ZNF331: variants seen among roughly 807,000 people sequenced by gnomAD.
ZNF331 encodes C2H2-like zinc finger protein rearranged in thyroid adenomas.
Under a neutral mutation model 7.0 loss-of-function variants are expected in ZNF331, and 2 were observed. The ratio of observed to expected loss-of-function variants is 0.29; its 90% confidence interval spans 0.12 to 0.90. The LOEUF (loss-of-function observed/expected upper bound fraction) is 0.90. Among genes scored for constraint, ZNF331 ranks in the 40% least tolerant of loss-of-function variants. The probability of loss-of-function intolerance (pLI) is 0.58; values close to 1 mark genes in which losing one functional copy is unlikely to be tolerated. For missense variants in ZNF331, 432 were observed against 587.7 expected, an observed-to-expected ratio of 0.74 and a Z score of 2.74; for synonymous variants, 196 against 205.4, an observed-to-expected ratio of 0.95 and a Z score of 0.39.
intron 2 of ZNF331, among the ~76,000 whole-genome samples, chr19:53,547,016 T>C (rs530720486): frequency 6.6e-6 from 1 of 152,310 alleles, no homozygotes; most frequent in East Asian, 1.9e-4. Flanking sequence ...TCTGTGTTTA[T>C]ACTGCAGATT....
chr19:53,559,381 T>C (rs549586910), intron 3 of ZNF331, among the ~76,000 whole-genome samples: 1 of 150,434 alleles, frequency 6.6e-6, no homozygotes, highest in East Asian at 2.0e-4. Flanking sequence ...ACACCCCATA[T>C]ATACACATAC....
At position 53,558,444 on chromosome 19, in the gene ZNF331, C is replaced by T. The variant is rs976433827; in HGVS notation, c.-74+2536C>T. On this transcript the variant is annotated intron_variant, in intron 3 of 5. Coordinates refer to ENST00000449416, the MANE Select transcript of ZNF331 (RefSeq NM_001079906.2). This position sits in a 1 kb window ranked among gnomAD's most constrained non-coding sequence, Gnocchi z 4.5. ...GCTCTCCTCACCCTGTCTTCTTAGGCCTTTTATGGAGACTTCATTGGATAG... is the reference window on the plus strand; with the variant it reads ...GCTCTCCTCACCCTGTCTTCTTAGGTCTTTTATGGAGACTTCATTGGATAG... Among the ~76,000 whole-genome samples, 84 of 152,010 alleles carry T rather than the reference C, an allele frequency of 5.5e-4. 1 individual carries two copies. Among genetic ancestry groups the T allele is most frequent in the African/African-American group, 2.0e-3 (81 of 41,352 alleles).
upstream of ZNF331, among the ~76,000 whole-genome samples, chr19:53,535,801 C>CTTTTTTTTTTTT (rs558002929): frequency 7.0e-6 from 1 of 143,424 alleles, no homozygotes; most frequent in Non-Finnish European, 1.5e-5. Flanking sequence ...AAAATGTTCA[C>CTTTTTTTTTTTT]TTTTTTTTTT....
intron 2 of ZNF331, among the ~76,000 whole-genome samples, chr19:53,528,656 C>A (rs750691478): frequency 2.9e-4 from 44 of 152,288 alleles, no homozygotes; most frequent in Non-Finnish European, 5.3e-4. Flanking sequence ...CTTTTTAAAT[C>A]TACTTTCTTC....
chr19:53,578,308 T>C lies in ZNF331; in HGVS notation c.*356T>C. On this transcript the variant is annotated 3_prime_UTR_variant, in exon 6 of 6. Coordinates refer to ENST00000449416, the MANE Select transcript of ZNF331 (RefSeq NM_001079906.2). ...CAGTGGCCCCAGAGAGCAGGAGTAG[T>C]GATGCTGGTGATTCGGATATGCCAA... The C allele has an allele frequency of 3.9e-6, 1 of 257,486 alleles. No individual in the cohort carries two copies. Among genetic ancestry groups the C allele is most frequent in the South Asian group, 1.3e-4 (1 of 7,696 alleles). 16.0% of individuals were successfully genotyped at this position (257,486 alleles called of 1,614,324 possible). A position where few individuals can be genotyped will look rare whatever the true frequency, so the allele number is the denominator to read the frequency against.
At chr19:53,553,791 G>A (rs1273008782) in intron 2 of ZNF331, among the ~76,000 whole-genome samples, 1 of 152,238 alleles carries the variant, frequency 6.6e-6, no homozygotes, top group Non-Finnish European at 1.5e-5. Context: ...CTCCAGAGGG[G>A]CTAGGAGAGG....
chr19:53,516,806 G>A (rs1054455272), upstream of ZNF331, among the ~76,000 whole-genome samples: 3 of 152,134 alleles, frequency 2.0e-5, no homozygotes, highest in Non-Finnish European at 4.4e-5. Flanking sequence ...TAATTAAAGT[G>A]ACATCTTTTT....
chr19:53,566,849 A>G (rs575865301), intron 3 of ZNF331, among the ~76,000 whole-genome samples: 3 of 151,616 alleles, frequency 2.0e-5, no homozygotes, highest in East Asian at 1.9e-4. Context: ...CTGTTTTTAT[A>G]TCTCTATTTT....
chr19:53,534,917 C>T (rs1037924837), upstream of ZNF331, among the ~76,000 whole-genome samples: 6 of 151,482 alleles, frequency 4.0e-5, no homozygotes, highest in Admixed American at 2.0e-4. Context: ...AATGTACCCA[C>T]TCCCCTATAA....
intron 2 of ZNF331, among the ~76,000 whole-genome samples, chr19:53,544,445 T>C (rs1482107490): frequency 6.8e-6 from 1 of 146,542 alleles, no homozygotes; most frequent in Non-Finnish European, 1.5e-5. Context: ...CTCGGGAGGC[T>C]GAGGCAGGAG....
At chr19:53,514,246 T>G in the ZNF331 span, among the ~76,000 whole-genome samples, 1 of 152,180 alleles carries the variant, frequency 6.6e-6, no homozygotes, top group African/African-American at 2.4e-5. Flanking sequence ...TTGCCCAGGC[T>G]GGAGTGCAGT....
chr19:53,512,137 TC>T, the ZNF331 span: 6 of 152,394 alleles, frequency 3.9e-5, no homozygotes, highest in South Asian at 1.2e-3. Flanking sequence ...TTATCTCCGG[TC>T]CGGGGAAGAG....
chr19:53,554,449 C>A (rs1051016866), intron 2 of ZNF331: 1 of 152,284 alleles, frequency 6.6e-6, no homozygotes, highest in South Asian at 2.1e-4. Flanking sequence ...CTGCTGCCTG[C>A]GCGCTCCGGC....
chr19:53,576,841 G>A lies in ZNF331; in HGVS notation c.281G>A (p.Arg94His), dbSNP rs369494593. ...ICEGTLERPQ[R>H]SRGRYVNQMI... is the part of the protein sequence containing the mutation. Reference sequence around the variant, plus strand: ...GAAGGTACGCTTGAAAGACCACAGCGCTCCAGAGGGAGGTATGTCAATCAG... The same window carrying A: ...GAAGGTACGCTTGAAAGACCACAGCACTCCAGAGGGAGGTATGTCAATCAG... The change falls in exon 6 of 6, where the codon CGC (arginine) becomes CAC (histidine). Residue 94 changes from arginine (R) to histidine (H), a missense_variant. By Grantham distance (29) the Arg-to-His change is conservative. This residue lies in a region of ZNF331 where 81 missense variants were observed against 70.3 expected (regional missense o/e 1.15). Transcript: ENST00000449416. The A allele has an allele frequency of 6.4e-5, 103 of 1,614,136 alleles. 1 individual carries two copies. Among genetic ancestry groups the A allele is most frequent in the Admixed American group, 2.8e-4 (17 of 59,998 alleles).
At chr19:53,509,514 G>C in the ZNF331 span, among the ~76,000 whole-genome samples, 57 of 152,296 alleles carry the variant, frequency 3.7e-4, 1 homozygote, top group East Asian at 9.8e-3. Flanking sequence ...GAGAATCAAA[G>C]CTTGTGTCTG....
At chr19:53,510,691 C>T in the ZNF331 span, among the ~76,000 whole-genome samples, 2 of 152,088 alleles carry the variant, frequency 1.3e-5, no homozygotes, top group African/African-American at 2.4e-5. Flanking sequence ...CTTGCAATAA[C>T]ATCCATAACT....
upstream of ZNF331, among the ~76,000 whole-genome samples, chr19:53,535,821 T>C (rs1356151067): frequency 6.6e-6 from 1 of 152,058 alleles, no homozygotes; most frequent in Admixed American, 6.6e-5. Flanking sequence ...TTTTTTCTTT[T>C]TTGAGATGAA....
Position 53,565,143 on chromosome 19 carries a change from A to C in ZNF331, c.-73-4161A>C, listed in dbSNP as rs532685914. Among the ~76,000 whole-genome samples, 4 of 152,288 alleles carry C rather than the reference A, an allele frequency of 2.6e-5. No individual in the cohort carries two copies. In the South Asian group the frequency reaches 8.3e-4, roughly 32 times the overall value. ...AGCTGCTGCCTGTACAGTGTTTATA[A>C]TCCAGCAAGGGAAACTAAATAGAAG... On this transcript the variant is annotated intron_variant, in intron 3 of 5. Transcript: ENST00000449416.
At chr19:53,540,935 G>C (rs1015273509) in intron 2 of ZNF331, among the ~76,000 whole-genome samples, 3 of 152,092 alleles carry the variant, frequency 2.0e-5, no homozygotes, top group African/African-American at 7.2e-5. Context: ...CATTAGGCCC[G>C]CTGAGGTAAC....
Sources: gnomAD v4.1 joint callset for allele counts (sites outside exome capture counted in the v4.1 genomes callset) on GRCh38, gnomAD v4.1.1 for gene constraint, gnomAD v4.1.1 regional missense constraint, Gnocchi (gnomAD v3.1) non-coding constraint, MANE v1.5 for transcripts, NCBI Gene and HGNC (gene_info 2026-07-23, HGNC 2026-07-21) for gene names.